Variants in CPEB4 observed in about 807,000 individuals in gnomAD.
CPEB4 encodes the protein cytoplasmic polyadenylation element-binding protein 4.
Under a neutral mutation model 72.5 loss-of-function variants are expected in CPEB4, and 12 were observed. That is an observed-to-expected ratio of 0.17 (90% CI 0.11 to 0.27). The LOEUF (loss-of-function observed/expected upper bound fraction) is 0.27. Among genes scored for constraint, CPEB4 ranks in the 10% least tolerant of loss-of-function variants. The probability of loss-of-function intolerance (pLI) is 1.00; values close to 1 mark genes in which losing one functional copy is unlikely to be tolerated. For synonymous variants in CPEB4, 302 were observed against 326.3 expected, an observed-to-expected ratio of 0.93 and a Z score of 0.80; for missense variants, 614 against 908.5, an observed-to-expected ratio of 0.68 and a Z score of 4.17.
chr5:173,946,947 G>A (rs531753175), intron 5 of CPEB4, among the ~76,000 whole-genome samples: 1 of 152,028 alleles, frequency 6.6e-6, no homozygotes, highest in Non-Finnish European at 1.5e-5. Flanking sequence ...CCATGCGCAT[G>A]TTAACCTTTT....
chr5:173,932,013 A>T (rs1195405997), intron 2 of CPEB4, among the ~76,000 whole-genome samples: 11 of 152,254 alleles, frequency 7.2e-5, no homozygotes, highest in African/African-American at 2.4e-4. Flanking sequence ...CCCAAACCTG[A>T]AATTAAACCC....
intron 3 of CPEB4, among the ~76,000 whole-genome samples, chr5:173,940,806 T>G (rs1757811280): frequency 6.6e-6 from 1 of 152,220 alleles, no homozygotes; most frequent in South Asian, 2.1e-4. Flanking sequence ...GCAACTTTTA[T>G]AGTTGTAAAC....
chr5:173,954,629 C>T (rs558040822), intron 9 of CPEB4, among the ~76,000 whole-genome samples: 9 of 152,244 alleles, frequency 5.9e-5, no homozygotes, highest in Non-Finnish European at 1.3e-4. Flanking sequence ...TGCCTCACCC[C>T]CTCAAAGTGC....
At chr5:173,946,833 A>G (rs527716997) in intron 5 of CPEB4, among the ~76,000 whole-genome samples, 2 of 152,072 alleles carry the variant, frequency 1.3e-5, no homozygotes, top group Non-Finnish European at 2.9e-5. Context: ...TTATACTGAC[A>G]TTGTTCCCTG....
chr5:173,917,517 A>G (rs558618582), intron 2 of CPEB4, among the ~76,000 whole-genome samples: 2 of 152,332 alleles, frequency 1.3e-5, no homozygotes, highest in African/African-American at 4.8e-5. Context: ...GTGGATCACC[A>G]GGAGTTCAAG....
intron 8 of CPEB4, 38 bp from the exon 9 acceptor site, chr5:173,953,053 C>T: frequency 6.6e-7 from 1 of 1,522,312 alleles, no homozygotes; most frequent in Non-Finnish European, 8.9e-7. Context: ...ATGAATTTTC[C>T]TGATTTTAAA....
chr5:173,952,020 TG>T, intron 8 of CPEB4, 82 bp downstream of exon 8: 1 of 921,844 alleles, frequency 1.1e-6, no homozygotes, highest in East Asian at 2.5e-5. Flanking sequence ...TCCTAAGAAT[TG>T]GAGTTAATAT....
chr5:173,954,862 C>G (rs1187064774), intron 9 of CPEB4, among the ~76,000 whole-genome samples: 1 of 152,138 alleles, frequency 6.6e-6, no homozygotes, highest in East Asian at 1.9e-4. Context: ...GGCCAGAAGC[C>G]CAGTGCTCTC....
intron 2 of CPEB4, among the ~76,000 whole-genome samples, chr5:173,920,434 T>C (rs1757030776): frequency 6.6e-6 from 1 of 152,246 alleles, no homozygotes; most frequent in Admixed American, 6.5e-5. Context: ...GGCTATAATA[T>C]TCCAAATAAT....
intron 1 of CPEB4, chr5:173,893,302 A>G (rs1324336926): frequency 1.3e-5 from 2 of 152,128 alleles, no homozygotes; most frequent in Non-Finnish European, 2.9e-5. Flanking sequence ...TTAAGTTGGT[A>G]TAAGTAACTT....
In CPEB4 at chr5:173,961,217, A is replaced by C. The variant is rs745362421; in HGVS notation, c.*5080A>C. The C allele has an allele frequency of 6.6e-6, 1 of 152,198 alleles. No individual in the cohort carries two copies. The allele number at this position is 152,198 out of a possible 1,614,324, so 9.4% of individuals were successfully genotyped here. ...TCCCAAACCTTACGTTGAGCATTCA[A>C]TGAAGGGCCTTGAGGAAACCCCAGG... On this transcript the variant is annotated 3_prime_UTR_variant, in exon 10 of 10. Transcript: ENST00000265085.
chr5:173,915,344 T>C lies in CPEB4; in HGVS notation c.1207+4740T>C, dbSNP rs149376278. ...ATTGCTTTTCTAAGAATTTTGAGGC[T>C]ACTATGATTTTTTCTATGTACAGGG... On this transcript the variant is annotated intron_variant, in intron 2 of 9. Transcript: ENST00000265085. 4.6e-5 allele frequency among the ~76,000 whole-genome samples: 7 copies of C among 152,340 alleles called. No homozygotes were observed. In the East Asian group the frequency reaches 7.7e-4, roughly 17 times the overall value.
intron 2 of CPEB4, among the ~76,000 whole-genome samples, chr5:173,924,159 C>G (rs1757164817): frequency 6.6e-6 from 1 of 152,130 alleles, no homozygotes; most frequent in African/African-American, 2.4e-5. Flanking sequence ...TCTTTTGCCA[C>G]TACTACAATC....
chr5:173,906,666 A>G (rs1430290205), intron 1 of CPEB4, among the ~76,000 whole-genome samples: 5 of 152,204 alleles, frequency 3.3e-5, no homozygotes, highest in Non-Finnish European at 5.9e-5. Flanking sequence ...TAATAGTACC[A>G]ATTGAACAAA....
Position 173,939,850 on chromosome 5 carries a change from G to A in CPEB4, c.1259-3176G>A, listed in dbSNP as rs186054056. On this transcript the variant is annotated intron_variant, in intron 3 of 9. Transcript: ENST00000265085. ...AACTAGGCTGGACACGGTGGCTCAC[G>A]CCTGTAATCCTAGCACTTTGGGAGG... Among the ~76,000 whole-genome samples the A allele has an allele frequency of 4.6e-5, 7 of 150,722 alleles. No homozygotes were observed. In the East Asian group the frequency reaches 7.8e-4, roughly 17 times the overall value.
chr5:173,916,369 A>T (rs2113193508), intron 2 of CPEB4, among the ~76,000 whole-genome samples: 1 of 152,354 alleles, frequency 6.6e-6, no homozygotes, highest in Middle Eastern at 3.4e-3. Context: ...TAATGATTGC[A>T]TTCAGAAATG....
intron 3 of CPEB4, among the ~76,000 whole-genome samples, chr5:173,932,837 G>A (rs1212172960): frequency 6.6e-6 from 1 of 152,286 alleles, no homozygotes; most frequent in African/African-American, 2.4e-5. Context: ...CTGGAAAAAT[G>A]TTCCAAGAGG....
intron 3 of CPEB4, among the ~76,000 whole-genome samples, chr5:173,942,173 T>C (rs1156526142): frequency 6.6e-6 from 1 of 152,250 alleles, no homozygotes; most frequent in African/African-American, 2.4e-5. Context: ...TTATGTGGCC[T>C]TCTGGCATTA....
intron 9 of CPEB4, 187 bp downstream of exon 9, chr5:173,953,459 G>T (rs1427137673): frequency 4.3e-6 from 2 of 464,100 alleles, no homozygotes; most frequent in East Asian, 3.1e-5. Context: ...AGTTTTTTGA[G>T]TAGCCTAATC....
Sources: gnomAD v4.1 joint callset for allele counts (sites outside exome capture counted in the v4.1 genomes callset) on GRCh38, gnomAD v4.1.1 for gene constraint, MANE v1.5 for transcripts, NCBI Gene and HGNC (gene_info 2026-07-23, HGNC 2026-07-21) for gene names.